The following NHSL3 variants were observed in gnomAD, a reference collection of about 807,000 sequenced individuals.
NHSL3 encodes NHS-like protein 3.
At chr1:32,754,012 TC>T in the NHSL3 span, 2 of 465,538 alleles carry the variant, frequency 4.3e-6, no homozygotes, top group Non-Finnish European at 7.7e-6. Context: ...TCTCGCTGCC[TC>T]CCTCCCGGGG....
At chr1:32,755,998 C>CT in the NHSL3 span, among the ~76,000 whole-genome samples, 2 of 152,196 alleles carry the variant, frequency 1.3e-5, no homozygotes, top group African/African-American at 4.8e-5. Flanking sequence ...GATAAGAAGG[C>CT]TGTGTTTATA....
the NHSL3 span, chr1:32,774,761 G>A: frequency 6.6e-6 from 1 of 152,436 alleles, no homozygotes; most frequent in Non-Finnish European, 1.5e-5. Context: ...GGGTAAATGA[G>A]CTTGACCTAG....
the NHSL3 span, chr1:32,765,607 A>G: frequency 4.0e-6 from 6 of 1,511,154 alleles, no homozygotes; most frequent in African/African-American, 2.7e-5. Context: ...GGAGGAGGAC[A>G]TGGAGAGCAG....
At chr1:32,767,729 T>C in the NHSL3 span, 6 of 1,468,292 alleles carry the variant, frequency 4.1e-6, no homozygotes, top group Non-Finnish European at 4.6e-6. Context: ...GTGAGACCTG[T>C]GCCCCTGCAG....
chr1:32,769,730 G>A, the NHSL3 span: 8 of 1,613,822 alleles, frequency 5.0e-6, no homozygotes, highest in Non-Finnish European at 6.8e-6. Flanking sequence ...GGGCGGCGTC[G>A]GCGGGAGCGG....
chr1:32,768,704 C>T, the NHSL3 span: 1 of 1,614,184 alleles, frequency 6.2e-7, no homozygotes, highest in Non-Finnish European at 8.5e-7. Flanking sequence ...AGTCAGACCA[C>T]ATCCTACGTG....
chr1:32,766,401 C>A, the NHSL3 span, among the ~76,000 whole-genome samples: 107 of 152,232 alleles, frequency 7.0e-4, no homozygotes, highest in Middle Eastern at 0.01. Flanking sequence ...ATCCGGGAGT[C>A]CCCTCTGGGA....
chr1:32,744,891 C>T, the NHSL3 span, among the ~76,000 whole-genome samples: 34 of 150,374 alleles, frequency 2.3e-4, no homozygotes, highest in African/African-American at 7.8e-4. Context: ...TTTGGGAGAC[C>T]GAGGCGGGCA....
chr1:32,769,914 C>T, the NHSL3 span: 3 of 1,608,242 alleles, frequency 1.9e-6, no homozygotes, highest in East Asian at 6.7e-5. Context: ...CAGGCACGCC[C>T]CGGGCTCCTG....
the NHSL3 span, among the ~76,000 whole-genome samples, chr1:32,757,398 T>TG: frequency 6.7e-6 from 1 of 149,982 alleles, no homozygotes; most frequent in African/African-American, 2.5e-5. Context: ...CAGAGACTGT[T>TG]GCAGTAATCC....
the NHSL3 span, among the ~76,000 whole-genome samples, chr1:32,745,140 A>C: frequency 6.6e-6 from 1 of 151,582 alleles, no homozygotes; most frequent in East Asian, 2.0e-4. Flanking sequence ...AAAAGAAAAA[A>C]AAAAGAAAAT....
the NHSL3 span, among the ~76,000 whole-genome samples, chr1:32,756,288 A>G: frequency 6.6e-6 from 1 of 152,094 alleles, no homozygotes; most frequent in Non-Finnish European, 1.5e-5. Context: ...TTAGTCCTAA[A>G]TTGTTGGTTA....
At chr1:32,770,315 G>A in the NHSL3 span, 26 of 1,612,168 alleles carry the variant, frequency 1.6e-5, no homozygotes, top group Non-Finnish European at 1.9e-5. The surrounding 1 kb of genome is among the most constrained non-coding windows in gnomAD (Gnocchi z 8.3). Flanking sequence ...ACACTAAGCC[G>A]CTGCAGCCTG....
chr1:32,744,410 C>A, the NHSL3 span, among the ~76,000 whole-genome samples: 1 of 152,130 alleles, frequency 6.6e-6, no homozygotes, highest in Non-Finnish European at 1.5e-5. Context: ...CAAGATCTTA[C>A]TTGCAGATGA....
chr1:32,754,202 GGGCA>G, the NHSL3 span: 2 of 708,988 alleles, frequency 2.8e-6, no homozygotes, highest in South Asian at 1.5e-5. Context: ...GGTGGGGGCG[GGGCA>G]GGCAGGGAGG....
chr1:32,765,780 T>C, the NHSL3 span: 1 of 1,547,562 alleles, frequency 6.5e-7, no homozygotes, highest in Non-Finnish European at 8.7e-7. Context: ...ATGGTGGTGT[T>C]CGTTGGCCGC....
At chr1:32,765,272 T>TGGGCTCCTGCCTGGCTGCTGC in the NHSL3 span, among the ~76,000 whole-genome samples, 1 of 151,994 alleles carries the variant, frequency 6.6e-6, no homozygotes, top group Non-Finnish European at 1.5e-5. Context: ...CTAGCAGCTC[T>TGGGCTCCTGCCTGGCTGCTGC]GGGCTCCTGC....
the NHSL3 span, chr1:32,742,113 C>G: frequency 1.2e-3 from 1,485 of 1,249,114 alleles, 4 homozygotes; most frequent in Non-Finnish European, 1.4e-3. Context: ...CGGCGGGGGC[C>G]GAGGGCGCCG....
the NHSL3 span, among the ~76,000 whole-genome samples, chr1:32,759,497 G>A: frequency 1.3e-5 from 2 of 152,202 alleles, no homozygotes; most frequent in African/African-American, 4.8e-5. Flanking sequence ...TATTATCGTA[G>A]CTAATTCCTC....
Sources: gnomAD v4.1 joint callset for allele counts (sites outside exome capture counted in the v4.1 genomes callset) on GRCh38, gnomAD v4.1.1 for gene constraint, Gnocchi (gnomAD v3.1) non-coding constraint, MANE v1.5 for transcripts, NCBI Gene and HGNC (gene_info 2026-07-23, HGNC 2026-07-21) for gene names.